Variants in AK9 observed in about 807,000 individuals in gnomAD.
AK9 encodes the protein adenylate kinase 9, also known as adenylate kinase domain containing 1.
AK9 carries 191 observed loss-of-function variants against 239.6 expected under a neutral mutation model. The ratio of observed to expected loss-of-function variants is 0.80; its 90% CI spans 0.71 to 0.90. The LOEUF is 0.90. Among genes scored for constraint, AK9 ranks in the 40% least tolerant of loss-of-function variants. AK9 has a pLI of 0.00. For synonymous variants in AK9, 689 were observed against 721.0 expected (o/e 0.96, Z 0.71); for missense variants, 1,995 against 2,214.7 (o/e 0.90, Z 1.99).
chr6:109,679,033 T>C (rs1772205706), intron 1 of AK9, among the ~76,000 whole-genome samples: 1 of 152,128 alleles, frequency 6.6e-6, no homozygotes, highest in African/African-American at 2.4e-5. Flanking sequence ...TGGGCAGCTG[T>C]TTGAGCAGAC....
At chr6:109,515,807 G>A (rs1044626626) in intron 31 of AK9, 50 bp downstream of exon 31, 12 of 1,456,678 alleles carry the variant, frequency 8.2e-6, no homozygotes, top group African/African-American at 4.3e-5. Context: ...ACATACCTTT[G>A]AAAAAAATAA....
chr6:109,507,487 C>T (rs181429256), intron 33 of AK9, among the ~76,000 whole-genome samples: 1 of 152,132 alleles, frequency 6.6e-6, no homozygotes, highest in Admixed American at 6.5e-5. Flanking sequence ...TGATGCATGC[C>T]TCTGAGCAGA....
In AK9 at chr6:109,573,569, A is replaced by G; in HGVS notation, c.2217T>C (p.Asp739=). The G allele has an allele frequency of 6.5e-7, 1 of 1,550,084 alleles. No individual in the cohort carries two copies. The highest frequency in any genetic ancestry group is 1.2e-5 in the South Asian group (1 of 83,692). The change falls in exon 21 of 41, where the codon GAT becomes GAC. Residue 739 remains aspartate, a synonymous_variant. Transcript: ENST00000424296. ...AKEAEETDNE[D]EEEIEGDELE... ...ACTCATCACCTTCAATCTCCTCTTC[A>G]TCCTCATTATCAGTCTCTTCAGCTT...
At chr6:109,500,721 A>G (rs1777521998) in intron 35 of AK9, among the ~76,000 whole-genome samples, 1 of 152,192 alleles carries the variant, frequency 6.6e-6, no homozygotes, top group African/African-American at 2.4e-5. Context: ...TAGATTTTGG[A>G]AACGCATCAC....
chr6:109,645,008 A>G (rs543930619), intron 8 of AK9, among the ~76,000 whole-genome samples: 61 of 152,354 alleles, frequency 4.0e-4, no homozygotes, highest in African/African-American at 1.4e-3. Flanking sequence ...AAACCATGGA[A>G]GCATCTGATT....
At chr6:109,620,568 A>G in intron 12 of AK9, among the ~76,000 whole-genome samples, 1 of 152,030 alleles carries the variant, frequency 6.6e-6, no homozygotes, top group Non-Finnish European at 1.5e-5. Context: ...ATAGGATTCT[A>G]TGTGTCTTTA....
chr6:109,500,460 G>A (rs934642735), intron 35 of AK9, among the ~76,000 whole-genome samples: 1 of 152,110 alleles, frequency 6.6e-6, no homozygotes, highest in Non-Finnish European at 1.5e-5. Flanking sequence ...ATACATTTTA[G>A]TTATAATGAG....
At position 109,506,455 on chromosome 6, in the gene AK9, T is replaced by G. The variant is rs971693705; in HGVS notation, c.4721A>C (p.Gln1574Pro). Residue 1574 changes from glutamine to proline, a missense_variant, in exon 35 of 41, where the codon CAA becomes CCA. Physicochemically the swap from Gln to Pro is moderately conservative, Grantham distance 76. Around this residue, in one of 5 missense-constraint regions of AK9, gnomAD observed 391 missense variants for 456.0 expected, o/e 0.86. Transcript: ENST00000424296. Reference protein sequence around the residue: ...KNIGEIRQYYQEQHQNWYVID... With the variant: ...KNIGEIRQYYPEQHQNWYVID... ...CACATACCAGTTCTGATGCTGTTCT[T>G]GATAATATTGCCTAATCTCACCAAT... 17 of 1,613,668 alleles carry G rather than the reference T, an allele frequency of 1.1e-5. No individual in the cohort carries two copies. Among genetic ancestry groups the G allele is most frequent in the Non-Finnish European group, 1.4e-5 (17 of 1,179,930 alleles).
At position 109,614,240 on chromosome 6, in the gene AK9, C is replaced by T. The variant is rs1173793733; in HGVS notation, c.1552G>A (p.Ala518Thr). The T allele has an allele frequency of 1.3e-6, 2 of 1,551,348 alleles. No individual in the cohort carries two copies. The highest frequency in any genetic ancestry group is 1.7e-6 in the Non-Finnish European group (2 of 1,146,768). Residue 518 changes from alanine to threonine, a missense_variant, in exon 15 of 41, where the codon GCC (alanine) becomes ACC (threonine). By Grantham distance (58) the Ala-to-Thr change is moderately conservative. Coordinates refer to ENST00000424296, the MANE Select transcript of AK9 (RefSeq NM_001145128.3). Reference sequence around the variant, plus strand: ...AGGACATTTTCTGACTTTGTTTTGGCTTCTTCGGTGTCCACTAAAGAGCTG... The same window carrying T: ...AGGACATTTTCTGACTTTGTTTTGGTTTCTTCGGTGTCCACTAAAGAGCTG... The part of the protein sequence containing the change: ...RGSSLVDTEE[A>T]KTKSENVLHD...
chr6:109,673,233 T>C (rs1282317886), intron 3 of AK9, among the ~76,000 whole-genome samples: 1 of 151,980 alleles, frequency 6.6e-6, no homozygotes, highest in African/African-American at 2.4e-5. Context: ...GTGTGTGTGT[T>C]ATGTATTACA....
At chr6:109,614,029 T>C (rs1793872917) in intron 15 of AK9, among the ~76,000 whole-genome samples, 154 bp downstream of exon 15, 1 of 152,210 alleles carries the variant, frequency 6.6e-6, no homozygotes, top group South Asian at 2.1e-4. Flanking sequence ...GTTCTACAGT[T>C]GTTCAGGTTA....
At chr6:109,606,649 TTTCATATAGCCAGTGTAACAGC>T (rs1407894936) in intron 17 of AK9, among the ~76,000 whole-genome samples, 1 of 152,170 alleles carries the variant, frequency 6.6e-6, no homozygotes, top group Non-Finnish European at 1.5e-5. Flanking sequence ...GGCAAGTACC[TTTCATATAGCCAGTGTAACAGC>T]TTCACTCAAC....
intron 1 of AK9, among the ~76,000 whole-genome samples, chr6:109,678,922 G>A (rs1772183528): frequency 6.6e-6 from 1 of 152,190 alleles, no homozygotes; most frequent in Non-Finnish European, 1.5e-5. Context: ...GGTGCACTCT[G>A]GCCCAGATAC....
At chr6:109,658,379 T>C (rs1467448128) in intron 7 of AK9, among the ~76,000 whole-genome samples, 1 of 152,156 alleles carries the variant, frequency 6.6e-6, no homozygotes, top group Non-Finnish European at 1.5e-5. Flanking sequence ...AGAGTTTTCA[T>C]TCAGTGGGGC....
chr6:109,649,832 C>T (rs906596521), intron 8 of AK9, among the ~76,000 whole-genome samples: 1 of 152,194 alleles, frequency 6.6e-6, no homozygotes, highest in African/African-American at 2.4e-5. Context: ...TGACTTCAAA[C>T]TATACTACAA....
chr6:109,598,232 C>A (rs972512419), intron 17 of AK9, among the ~76,000 whole-genome samples: 2 of 141,100 alleles, frequency 1.4e-5, no homozygotes, highest in East Asian at 2.1e-4. Flanking sequence ...CCTCCCCCCA[C>A]CCCACAACAG....
At chr6:109,597,541 C>T (rs536029482) in intron 17 of AK9, among the ~76,000 whole-genome samples, 15 of 151,962 alleles carry the variant, frequency 9.9e-5, no homozygotes, top group African/African-American at 2.2e-4. Flanking sequence ...GGTGTGGTGG[C>T]GGGCGCCTGT....
In AK9 at chr6:109,675,221, C is replaced by T. The variant is rs146566713; in HGVS notation, c.117+408G>A. Among the ~76,000 whole-genome samples the T allele has an allele frequency of 2.3e-3, 343 of 152,302 alleles. 2 individuals are homozygous for T. The highest frequency in any genetic ancestry group is 0.01 in the Middle Eastern group (3 of 294). On this transcript the variant is annotated intron_variant, in intron 2 of 40. Coordinates refer to ENST00000424296, the MANE Select transcript of AK9 (RefSeq NM_001145128.3). The stretch of plus-strand genomic sequence containing the variant: ...AAGTCTGAAATAACCTCAGATTACA[C>T]ACTACTAACAGTTGTCATGTGCAGT...
chr6:109,641,332 T>C (rs1383828185), intron 10 of AK9, among the ~76,000 whole-genome samples, 186 bp downstream of exon 10: 1 of 144,150 alleles, frequency 6.9e-6, no homozygotes, highest in Non-Finnish European at 1.5e-5. Flanking sequence ...CACACCTGGC[T>C]AATTTTTTCT....
Sources: gnomAD v4.1 joint callset for allele counts (sites outside exome capture counted in the v4.1 genomes callset) on GRCh38, gnomAD v4.1.1 for gene constraint, gnomAD v4.1.1 regional missense constraint, MANE v1.5 for transcripts, NCBI Gene and HGNC (gene_info 2026-07-23, HGNC 2026-07-21) for gene names.